The following EPB42 variants were observed in gnomAD, a reference collection of about 807,000 sequenced individuals.
The protein encoded by EPB42 is erythrocyte membrane protein band 4.2.
Under a neutral mutation model 76.9 loss-of-function variants are expected in EPB42, and 49 were observed. The ratio of observed to expected loss-of-function variants is 0.64; its 90% CI spans 0.51 to 0.81. The LOEUF (loss-of-function observed/expected upper bound fraction) is 0.81. EPB42 is among the 30% of genes least tolerant of loss of function. The probability of loss-of-function intolerance (pLI) is 0.00; values close to 1 mark genes in which losing one functional copy is unlikely to be tolerated. For missense variants in EPB42, 731 were observed against 867.6 expected, an observed-to-expected ratio of 0.84 and a Z score of 1.98; for synonymous variants, 310 against 338.4, an observed-to-expected ratio of 0.92 and a Z score of 0.92.
intron 12 of EPB42, among the ~76,000 whole-genome samples, chr15:43,199,688 G>T (rs1156790009): frequency 6.6e-6 from 1 of 152,142 alleles, no homozygotes; most frequent in African/African-American, 2.4e-5. Context: ...GGGATGGAAT[G>T]ATATGATTTT....
At chr15:43,225,523 T>A (rs111619077), upstream of EPB42, among the ~76,000 whole-genome samples, 2,075 of 152,246 alleles carry the variant, frequency 0.014, 37 homozygotes, top group African/African-American at 0.047. Context: ...TCTGGCAGTA[T>A]TTCAGTCGGG....
intron 2 of EPB42, 84 bp downstream of exon 2, chr15:43,216,184 C>T: frequency 6.5e-7 from 1 of 1,541,584 alleles, no homozygotes; most frequent in Non-Finnish European, 8.9e-7. Flanking sequence ...GGCCATTTGT[C>T]CCTTGATTCC....
Position 43,214,957 on chromosome 15 carries a change from G to A in EPB42, c.430+138C>T. 3.8e-6 allele frequency: 3 copies of A among 784,322 alleles called. No homozygotes were observed. The Admixed American group carries it at 6.0e-5, about 16-fold the overall frequency. The allele number at this position is 784,322 out of a possible 1,614,324, so 48.6% of individuals were successfully genotyped here. ...TGGTTCATTCAGGGAGAAAGCCCTGGCACAGACTGGGTGTTGGTGCTGTCC... is the reference window on the plus strand; with the variant it reads ...TGGTTCATTCAGGGAGAAAGCCCTGACACAGACTGGGTGTTGGTGCTGTCC... On this transcript the variant is annotated intron_variant, in intron 3 of 12. Coordinates refer to ENST00000441366, the MANE Select transcript of EPB42 (RefSeq NM_001114134.2).
intron 3 of EPB42, 84 bp from the exon 4 acceptor site, chr15:43,211,618 A>G (rs1427989065): frequency 1.0e-6 from 1 of 968,080 alleles, no homozygotes; most frequent in African/African-American, 1.6e-5. Context: ...CCCTGCCGAG[A>G]TTAGGTTTGG....
At position 43,206,246 on chromosome 15, in the gene EPB42, T is replaced by G. The variant is rs1596407121; in HGVS notation, c.1618+84A>C. The G allele has an allele frequency of 1.4e-6, 2 of 1,418,118 alleles. No homozygotes were observed. The highest frequency in any genetic ancestry group is 1.9e-6 in the Non-Finnish European group (2 of 1,052,120). The allele number at this position is 1,418,118 out of a possible 1,614,324, so 87.8% of individuals were successfully genotyped here. ...AGCCATCTCTAGAGACTGCAGGGGG[T>G]GCCCTGTGGCTGCTGCCTGCCCAAG... On this transcript the variant is annotated intron_variant, in intron 10 of 12. Coordinates refer to ENST00000441366, the MANE Select transcript of EPB42 (RefSeq NM_001114134.2). This position sits in a 1 kb window ranked among gnomAD's most constrained non-coding sequence, Gnocchi z 4.7.
intron 12 of EPB42, among the ~76,000 whole-genome samples, chr15:43,201,154 G>A (rs1039991182): frequency 6.6e-6 from 1 of 152,194 alleles, no homozygotes; most frequent in African/African-American, 2.4e-5. Context: ...ACTTGTGTGA[G>A]GATGTGCACT....
chr15:43,218,916 A>T (rs528929430), intron 1 of EPB42, among the ~76,000 whole-genome samples: 2 of 152,270 alleles, frequency 1.3e-5, no homozygotes, highest in Admixed American at 6.5e-5. Flanking sequence ...ACCACAGCCC[A>T]TGAGAAGTTG....
chr15:43,207,118 G>C, intron 9 of EPB42, 81 bp downstream of exon 9: 2 of 1,592,386 alleles, frequency 1.3e-6, no homozygotes, highest in Non-Finnish European at 1.7e-6. Context: ...TCTCTTTCTG[G>C]CTGCATCTAC....
At chr15:43,199,815 G>T (rs2042100570) in intron 12 of EPB42, among the ~76,000 whole-genome samples, 1 of 152,134 alleles carries the variant, frequency 6.6e-6, no homozygotes, top group Non-Finnish European at 1.5e-5. Context: ...TCTTGTGATA[G>T]TAAGTCCCAT....
Position 43,207,339 on chromosome 15 carries a change from C to T in EPB42, c.1178G>A (p.Cys393Tyr). The T allele has an allele frequency of 1.2e-6, 2 of 1,614,248 alleles. No homozygotes were observed. The highest frequency in any genetic ancestry group is 1.3e-5 in the African/African-American group (1 of 75,056). Residue 393 changes from cysteine to tyrosine, a missense_variant, in exon 9 of 13, where the codon TGT (cysteine) becomes TAT (tyrosine). By Grantham distance (194) the Cys-to-Tyr change is radical. Coordinates refer to ENST00000441366, the MANE Select transcript of EPB42 (RefSeq NM_001114134.2). ...SDLFAAINAS[C>Y]VVWKCCEDGT... Reference sequence around the variant, plus strand: ...ATCCTCACAGCACTTCCAGACCACACATGAGGCATTTATGGCAGCAAAAAG... The same window carrying T: ...ATCCTCACAGCACTTCCAGACCACATATGAGGCATTTATGGCAGCAAAAAG...
In EPB42 at chr15:43,197,902, C is replaced by T. The variant is rs141808896; in HGVS notation, c.1914-438G>A. On this transcript the variant is annotated intron_variant, in intron 12 of 12. Transcript: ENST00000441366. The stretch of plus-strand genomic sequence containing the variant: ...GGGCTGGTCTTTCCTGTGCTATTCT[C>T]GTGATAGTGAATAAGTCTCAGGAGA... Among the ~76,000 whole-genome samples, 595 of 152,222 alleles carry T rather than the reference C, an allele frequency of 3.9e-3. 3 individuals carry two copies. The highest frequency in any genetic ancestry group is 0.015 in the South Asian group (73 of 4,822).
At position 43,209,313 on chromosome 15, in the gene EPB42, C is replaced by T; in HGVS notation, c.793G>A (p.Asp265Asn). The change falls in exon 6 of 13, where the codon GAT becomes AAT. Residue 265 changes from aspartate (D) to asparagine (N), a missense_variant. Physicochemically the swap from Asp to Asn is conservative, Grantham distance 23. Coordinates refer to ENST00000441366, the MANE Select transcript of EPB42 (RefSeq NM_001114134.2). ...GCAGCCAACACCCAGGCCTGGCCAT[C>T]ATACACAGGTCGGCCTCGGCCGGTG... ...WLTGRGRPVY[D>N]GQAWVLAAVA... is the part of the protein sequence containing the mutation. 1.2e-6 allele frequency: 2 copies of T among 1,614,174 alleles called. No homozygotes were observed. Among genetic ancestry groups the T allele is most frequent in the South Asian group, 1.1e-5 (1 of 91,084 alleles).
intron 12 of EPB42, among the ~76,000 whole-genome samples, chr15:43,199,761 G>C (rs1487685182): frequency 6.6e-6 from 1 of 152,140 alleles, no homozygotes; most frequent in Non-Finnish European, 1.5e-5. Context: ...GAGGGACCCA[G>C]GGGGAAGTAA....
chr15:43,221,132 G>A, upstream of EPB42: 1 of 417,222 alleles, frequency 2.4e-6, no homozygotes, highest in Non-Finnish European at 4.5e-6. Context: ...GGGGGAGGGG[G>A]TGGGATGGGG....
In EPB42 at chr15:43,207,507, G is replaced by A. The variant is rs975243427; in HGVS notation, c.1076-66C>T. The stretch of plus-strand genomic sequence containing the variant: ...AGACCTCTGCTCAGTTCAGAACTGC[G>A]TAACCTCAGTCCCCATCCTCTAGCC... On this transcript the variant is annotated intron_variant, in intron 8 of 12. Coordinates refer to ENST00000441366, the MANE Select transcript of EPB42 (RefSeq NM_001114134.2). 8 of 1,602,152 alleles carry A rather than the reference G, an allele frequency of 5.0e-6. No individual in the cohort carries two copies. The Admixed American group carries it at 5.0e-5, about 10-fold the overall frequency.
chr15:43,215,411 G>A (rs539266736), intron 2 of EPB42, 83 bp from the exon 3 acceptor site: 1 of 1,455,864 alleles, frequency 6.9e-7, no homozygotes, highest in African/African-American at 1.4e-5. Context: ...TACAAAGATG[G>A]AGCAGGTGAA....
chr15:43,210,917 T>C (rs764952255), intron 4 of EPB42, among the ~76,000 whole-genome samples: 6 of 152,150 alleles, frequency 3.9e-5, no homozygotes, highest in Non-Finnish European at 7.3e-5. Context: ...CTTGTAGAGA[T>C]GCCGGCACAG....
chr15:43,199,241 G>A (rs930159162), intron 12 of EPB42, among the ~76,000 whole-genome samples: 6 of 152,164 alleles, frequency 3.9e-5, no homozygotes, highest in South Asian at 4.1e-4. Context: ...GACACTCAGC[G>A]CCAGCCTGTG....
intron 3 of EPB42, among the ~76,000 whole-genome samples, chr15:43,214,514 T>C (rs1427974547): frequency 6.6e-6 from 1 of 151,030 alleles, no homozygotes; most frequent in Non-Finnish European, 1.5e-5. Flanking sequence ...GTAGATTTTC[T>C]GGGAAGCGGA....
Sources: allele counts gnomAD v4.1 joint callset (sites outside exome capture counted in the v4.1 genomes callset), GRCh38; gene constraint gnomAD v4.1.1; non-coding constraint Gnocchi (gnomAD v3.1); transcripts MANE v1.5; gene names NCBI Gene and HGNC (gene_info 2026-07-23, HGNC 2026-07-21).